BCAS3: variants seen among roughly 807,000 people sequenced by gnomAD.
BCAS3 encodes BCAS3 microtubule associated cell migration factor, also known as BCAS4/BCAS3 fusion.
In BCAS3, 53 loss-of-function variants were observed where a neutral mutation model predicts 116.1. The observed-to-expected ratio is 0.46, with a 90% CI of 0.37 to 0.57. The LOEUF (loss-of-function observed/expected upper bound fraction) is 0.57. BCAS3 is among the 20% of genes least tolerant of loss of function. The pLI is 0.00. For synonymous variants in BCAS3, 391 were observed against 408.2 expected, an observed-to-expected ratio of 0.96 and a Z score of 0.51; for missense variants, 917 against 1,165.4, an observed-to-expected ratio of 0.79 and a Z score of 3.10.
intron 22 of BCAS3, among the ~76,000 whole-genome samples, chr17:61,338,855 T>G (rs1413691503): frequency 8.1e-6 from 1 of 123,092 alleles, no homozygotes; most frequent in Non-Finnish European, 1.6e-5. Context: ...TTATCAGTCC[T>G]CAAATGGGAA....
At chr17:60,863,759 G>C (rs1337506191) in intron 7 of BCAS3, among the ~76,000 whole-genome samples, 2 of 151,626 alleles carry the variant, frequency 1.3e-5, no homozygotes, top group African/African-American at 4.8e-5. Flanking sequence ...AACCAAAAAA[G>C]GTATGTTTAC....
chr17:61,045,690 C>T (rs1025358924), intron 19 of BCAS3, among the ~76,000 whole-genome samples: 7 of 142,676 alleles, frequency 4.9e-5, no homozygotes, highest in Admixed American at 1.5e-4. Flanking sequence ...GTGGCGCGCA[C>T]CTGTAATTCC....
At chr17:60,733,395 G>C (rs1163983225) in intron 5 of BCAS3, among the ~76,000 whole-genome samples, 4 of 152,154 alleles carry the variant, frequency 2.6e-5, no homozygotes, top group African/African-American at 9.7e-5. Context: ...GGCTGCTCTT[G>C]CTCCCTCTCT....
chr17:60,983,019 G>C (rs1298734047), intron 14 of BCAS3, among the ~76,000 whole-genome samples: 1 of 152,112 alleles, frequency 6.6e-6, no homozygotes. Flanking sequence ...ATTGACTAGT[G>C]AGTGTCTTAA....
intron 15 of BCAS3, among the ~76,000 whole-genome samples, chr17:61,011,865 T>C (rs1025678156): frequency 2.0e-5 from 3 of 152,126 alleles, no homozygotes; most frequent in Non-Finnish European, 4.4e-5. Flanking sequence ...ATTGCATTTA[T>C]TTATTTAATG....
intron 14 of BCAS3, among the ~76,000 whole-genome samples, chr17:60,975,016 A>T: frequency 7.1e-6 from 1 of 140,964 alleles, no homozygotes. Flanking sequence ...TTTTTTTGAG[A>T]CGGAGTCTCG....
intron 22 of BCAS3, among the ~76,000 whole-genome samples, chr17:61,250,697 G>A (rs2048305868): frequency 6.6e-6 from 1 of 152,298 alleles, no homozygotes; most frequent in South Asian, 2.1e-4. Context: ...CCATGTACAT[G>A]CTGTGAGTAT....
rs907936870 is a variant in BCAS3, at chr17:61,156,917, T to C, written c.2425+72353T>C. 1.3e-5 allele frequency among the ~76,000 whole-genome samples: 2 copies of C among 152,230 alleles called. No homozygotes were observed. Among genetic ancestry groups the C allele is most frequent in the Admixed American group, 6.5e-5 (1 of 15,302 alleles). ...AATTATTTTTCCTTTGAAACAACACTTAAAAAAAACAAATTCTACAACATT... is the reference window on the plus strand; with the variant it reads ...AATTATTTTTCCTTTGAAACAACACCTAAAAAAAACAAATTCTACAACATT... On this transcript the variant is annotated intron_variant, in intron 22 of 23. Coordinates refer to ENST00000407086, the MANE Select transcript of BCAS3 (RefSeq NM_017679.5). This position sits in a 1 kb window ranked among gnomAD's most constrained non-coding sequence, Gnocchi z 4.7.
rs1201232364 is a variant in BCAS3, at chr17:61,124,332, G to A, written c.2425+39768G>A. On this transcript the variant is annotated intron_variant, in intron 22 of 23. Coordinates refer to ENST00000407086, the MANE Select transcript of BCAS3 (RefSeq NM_017679.5). This position sits in a 1 kb window ranked among gnomAD's most constrained non-coding sequence, Gnocchi z 4.6. ...TTGGGTTCTTTTCCTGGTATCTCGA[G>A]CCACCAAGATATAGCTTTTACTTGA... Among the ~76,000 whole-genome samples, 1 of 151,740 alleles carries A rather than the reference G, an allele frequency of 6.6e-6. No homozygotes were observed.
rs2073148423 is a variant in BCAS3 at position 61,087,031 on chromosome 17, A to T, written c.2425+2467A>T. 1.0e-6 allele frequency: 1 copy of T among 985,104 alleles called. No individual in the cohort carries two copies. Among genetic ancestry groups the T allele is most frequent in the South Asian group, 4.7e-5 (1 of 21,280 alleles). 61.0% of individuals were successfully genotyped at this position (985,104 alleles called of 1,614,324 possible). Reference sequence around the variant, plus strand: ...AAATCAAGGTAGCAAGTCTAACGAAATCGAGGCTAAATAATTTGAGTTCTT... The same window carrying T: ...AAATCAAGGTAGCAAGTCTAACGAATTCGAGGCTAAATAATTTGAGTTCTT... On this transcript the variant is annotated intron_variant, in intron 22 of 23. Coordinates refer to ENST00000407086, the MANE Select transcript of BCAS3 (RefSeq NM_017679.5). This position sits in a 1 kb window ranked among gnomAD's most constrained non-coding sequence, Gnocchi z 4.6.
chr17:60,955,386 A>AT (rs1016334366), intron 14 of BCAS3, among the ~76,000 whole-genome samples: 2,139 of 128,074 alleles, frequency 0.017, 88 homozygotes, highest in East Asian at 0.079. Context: ...GGGAAACTGA[A>AT]TTTTTTTTTT....
chr17:60,851,767 A>G, intron 7 of BCAS3: 1 of 1,028,770 alleles, frequency 9.7e-7, no homozygotes, highest in Non-Finnish European at 1.5e-6. Context: ...ATGTCTTATC[A>G]GTGGTCCCTG....
chr17:61,039,131 A>C (rs1221675852), intron 18 of BCAS3, among the ~76,000 whole-genome samples: 1 of 152,204 alleles, frequency 6.6e-6, no homozygotes, highest in South Asian at 2.1e-4. Flanking sequence ...CCTAGGCAGC[A>C]GCCAGTTTAC....
At chr17:60,822,343 T>A (rs1016018764) in intron 7 of BCAS3, among the ~76,000 whole-genome samples, 2 of 152,208 alleles carry the variant, frequency 1.3e-5, no homozygotes, top group Non-Finnish European at 2.9e-5. Flanking sequence ...TTTTTACAAG[T>A]TGTTCTTCAT....
At chr17:60,936,408 G>A (rs1047176093) in intron 13 of BCAS3, among the ~76,000 whole-genome samples, 1 of 151,990 alleles carries the variant, frequency 6.6e-6, no homozygotes, top group Admixed American at 6.5e-5. Flanking sequence ...GGTATTTCTA[G>A]TTCTAGATCC....
chr17:60,768,282 A>G (rs961553884), intron 6 of BCAS3, among the ~76,000 whole-genome samples: 1 of 152,176 alleles, frequency 6.6e-6, no homozygotes, highest in Non-Finnish European at 1.5e-5. Flanking sequence ...TGTGTCTGGG[A>G]GGGTGTTGCC....
intron 7 of BCAS3, among the ~76,000 whole-genome samples, chr17:60,826,095 C>T (rs980051922): frequency 9.2e-5 from 14 of 151,854 alleles, no homozygotes; most frequent in Non-Finnish European, 1.5e-4. Flanking sequence ...CTTCTGACCT[C>T]GTGATCCTCC....
chr17:61,123,890 GAGA>G (rs1239906610), intron 22 of BCAS3, among the ~76,000 whole-genome samples: 2 of 152,136 alleles, frequency 1.3e-5, no homozygotes, highest in Non-Finnish European at 2.9e-5. Context: ...ATAATTTTGA[GAGA>G]AGAATGACCA....
chr17:61,351,514 A>C (rs1261181187), intron 22 of BCAS3, among the ~76,000 whole-genome samples: 1 of 152,240 alleles, frequency 6.6e-6, no homozygotes, highest in Non-Finnish European at 1.5e-5. Context: ...ACTTACAATT[A>C]GCAATAGTAA....
Sources: allele counts gnomAD v4.1 joint callset (sites outside exome capture counted in the v4.1 genomes callset), GRCh38; gene constraint gnomAD v4.1.1; non-coding constraint Gnocchi (gnomAD v3.1); transcripts MANE v1.5; gene names NCBI Gene and HGNC (gene_info 2026-07-23, HGNC 2026-07-21).